Variants in SMTNL1 observed in about 807,000 individuals in gnomAD.
The protein encoded by SMTNL1 is smoothelin like 1.
In SMTNL1, 41 loss-of-function variants were observed where a neutral mutation model predicts 46.6. The ratio of observed to expected loss-of-function variants is 0.88; its 90% CI spans 0.69 to 1.14. The LOEUF is 1.14. SMTNL1 is among the 50% of genes most tolerant of loss of function. The probability of loss-of-function intolerance (pLI) is 0.00; values close to 1 mark genes in which losing one functional copy is unlikely to be tolerated. For missense variants in SMTNL1, 591 were observed against 626.1 expected (o/e 0.94, Z 0.60); for synonymous variants, 234 against 234.2 (o/e 1.00, Z 0.01).
intron 1 of SMTNL1, among the ~76,000 whole-genome samples, chr11:57,540,454 G>C (rs1360874892): frequency 6.6e-6 from 1 of 152,094 alleles, no homozygotes; most frequent in African/African-American, 2.4e-5. Flanking sequence ...AGCAACCTTA[G>C]CCAGAGAATA....
At chr11:57,540,404 T>A (rs1944863661) in intron 1 of SMTNL1, among the ~76,000 whole-genome samples, 1 of 152,138 alleles carries the variant, frequency 6.6e-6, no homozygotes, top group African/African-American at 2.4e-5. Flanking sequence ...TGGCTGAAAC[T>A]GTATATCTCT....
chr11:57,548,765 C>T (rs371947627), intron 7 of SMTNL1, among the ~76,000 whole-genome samples: 2 of 152,240 alleles, frequency 1.3e-5, no homozygotes, highest in East Asian at 3.9e-4. Flanking sequence ...CCTTATTTTC[C>T]TCCTTAGCAC....
chr11:57,542,135 CACACACACAA>C (rs1944884396), intron 1 of SMTNL1, among the ~76,000 whole-genome samples: 2 of 148,420 alleles, frequency 1.3e-5, no homozygotes, highest in Admixed American at 6.7e-5. Flanking sequence ...CACACACACA[CACACACACAA>C]AAATTAGCCA....
intron 1 of SMTNL1, among the ~76,000 whole-genome samples, chr11:57,539,834 C>T (rs1243842465): frequency 6.6e-6 from 1 of 152,198 alleles, no homozygotes; most frequent in East Asian, 1.9e-4. Context: ...GGGATGGGAC[C>T]TATTGTTGTC....
intron 4 of SMTNL1, among the ~76,000 whole-genome samples, chr11:57,544,447 T>C (rs1944906768): frequency 6.6e-6 from 1 of 152,222 alleles, no homozygotes; most frequent in Non-Finnish European, 1.5e-5. Context: ...CCTGGTCCAC[T>C]TCCCATGCCA....
chr11:57,546,030 T>C lies in SMTNL1; in HGVS notation c.1067T>C (p.Phe356Ser), dbSNP rs1222645139. 1.3e-6 allele frequency: 2 copies of C among 1,584,804 alleles called. No individual in the cohort carries two copies. Among genetic ancestry groups the C allele is most frequent in the African/African-American group, 1.4e-5 (1 of 73,768 alleles). Residue 356 changes from phenylalanine (F) to serine (S), a missense_variant, in exon 5 of 8, where the codon TTT becomes TCT. By Grantham distance (155) the Phe-to-Ser change is radical (BLOSUM62 -2). Transcript: ENST00000527972. ...AACCGCAAAGCCATCGTGGACAAGT[T>C]TGGCGGGTAGGACACAGGCCAGGGG... Reference protein sequence around the residue: ...AQNRKAIVDKFGGAASGPTAL... With the variant: ...AQNRKAIVDKSGGAASGPTAL...
Position 57,550,105 on chromosome 11 carries a change from A to C in SMTNL1, c.1478A>C (p.Lys493Thr). The change falls in exon 8 of 8, where the codon AAG (lysine) becomes ACG (threonine). Residue 493 changes from lysine to threonine, a missense_variant. By Grantham distance (78) the Lys-to-Thr change is moderately conservative. Coordinates refer to ENST00000527972, the MANE Select transcript of SMTNL1 (RefSeq NM_001105565.3). ...LVQKGLVKTK[K>T]K ...CAGAAAGGACTGGTGAAGACCAAGA[A>C]GAAGTGAGGAGGTGACTGGCTCTGT... is the stretch of plus-strand genomic sequence containing the variant. 1 of 1,612,476 alleles carries C rather than the reference A, an allele frequency of 6.2e-7. No homozygotes were observed. The highest frequency in any genetic ancestry group is 8.5e-7 in the Non-Finnish European group (1 of 1,179,200).
intron 1 of SMTNL1, among the ~76,000 whole-genome samples, 184 bp downstream of exon 1, chr11:57,537,826 A>G (rs1944840723): frequency 6.6e-6 from 1 of 152,186 alleles, no homozygotes; most frequent in Non-Finnish European, 1.5e-5. Flanking sequence ...CCTGCACCAG[A>G]GCACCTACAG....
At chr11:57,540,828 A>T (rs992711302) in intron 1 of SMTNL1, among the ~76,000 whole-genome samples, 2 of 151,666 alleles carry the variant, frequency 1.3e-5, no homozygotes, top group African/African-American at 4.8e-5. Flanking sequence ...CTCCTGCCTC[A>T]GCCTCCCAAG....
chr11:57,550,248 C>A lies in SMTNL1; in HGVS notation c.*136C>A. ...GGGTGTGTGGCGTTGGTTTTAACTG[C>A]ATTAAAAGTACTTTTGTAAAATCCT... On this transcript the variant is annotated 3_prime_UTR_variant, in exon 8 of 8. Coordinates refer to ENST00000527972, the MANE Select transcript of SMTNL1 (RefSeq NM_001105565.3). The A allele has an allele frequency of 3.4e-6, 3 of 890,678 alleles. No individual in the cohort carries two copies. The highest frequency in any genetic ancestry group is 3.4e-6 in the Non-Finnish European group (2 of 592,806). The allele number at this position is 890,678 out of a possible 1,614,324, so 55.2% of individuals were successfully genotyped here. A position where few individuals can be genotyped will look rare whatever the true frequency, so the allele number is the denominator to read the frequency against.
At chr11:57,543,798 C>T (rs376067251) in intron 3 of SMTNL1, 42 bp downstream of exon 3, 29 of 1,556,180 alleles carry the variant, frequency 1.9e-5, no homozygotes, top group African/African-American at 1.1e-4. Flanking sequence ...GCAGAGGCCA[C>T]CTGGGGGAGG....
chr11:57,545,849 T>A (rs747046643), intron 4 of SMTNL1, 32 bp from the exon 5 acceptor site: 1 of 1,578,478 alleles, frequency 6.3e-7, no homozygotes, highest in African/African-American at 1.4e-5. Flanking sequence ...GGTCCCAGCC[T>A]CTCTCACACG....
chr11:57,543,411 G>T, intron 2 of SMTNL1, 37 bp downstream of exon 2: 1 of 1,590,932 alleles, frequency 6.3e-7, no homozygotes, highest in South Asian at 1.1e-5. Flanking sequence ...AGGCTCTGTC[G>T]TCTCCTGCTT....
At chr11:57,549,805 C>G (rs1247603035) in intron 7 of SMTNL1, among the ~76,000 whole-genome samples, 163 bp from the exon 8 acceptor site, 2 of 152,194 alleles carry the variant, frequency 1.3e-5, no homozygotes, top group African/African-American at 4.8e-5. Flanking sequence ...TCAGTTATCT[C>G]ATCTAGATAT....
At chr11:57,546,210 C>T (rs367837376) in intron 5 of SMTNL1, 23 bp from the exon 6 acceptor site, 87 of 1,571,884 alleles carry the variant, frequency 5.5e-5, no homozygotes, top group Non-Finnish European at 7.0e-5. Context: ...CTGGCTTGGC[C>T]TTGCACCCCT....
chr11:57,541,943 G>C (rs2135261711), intron 1 of SMTNL1, among the ~76,000 whole-genome samples: 1 of 152,068 alleles, frequency 6.6e-6, no homozygotes, highest in Non-Finnish European at 1.5e-5. Flanking sequence ...TCAGGGGAGA[G>C]TAGCAATTGT....
chr11:57,538,835 A>C (rs1944851189), intron 1 of SMTNL1, among the ~76,000 whole-genome samples: 1 of 152,232 alleles, frequency 6.6e-6, no homozygotes, highest in African/African-American at 2.4e-5. Context: ...CCGCAGCATA[A>C]GCTGTAAACT....
chr11:57,546,161 G>T, intron 5 of SMTNL1, 72 bp from the exon 6 acceptor site: 1 of 1,508,608 alleles, frequency 6.6e-7, no homozygotes, highest in South Asian at 1.3e-5. Flanking sequence ...TGGGGGCTGG[G>T]GATCCTCCCA....
chr11:57,540,302 T>C (rs1361473999), intron 1 of SMTNL1, among the ~76,000 whole-genome samples: 1 of 152,226 alleles, frequency 6.6e-6, no homozygotes, highest in East Asian at 1.9e-4. Flanking sequence ...ATTTAATATG[T>C]TGCCTAGGCT....
Sources: gnomAD v4.1 joint callset for allele counts (sites outside exome capture counted in the v4.1 genomes callset) on GRCh38, gnomAD v4.1.1 for gene constraint, MANE v1.5 for transcripts, NCBI Gene and HGNC (gene_info 2026-07-23, HGNC 2026-07-21) for gene names.